The following DOCK1 variants were observed in gnomAD, a reference collection of about 807,000 sequenced individuals.
DOCK1 encodes dedicator of cytokinesis protein 1.
Under a neutral mutation model 262.7 loss-of-function variants are expected in DOCK1, and 138 were observed. The ratio of observed to expected loss-of-function variants is 0.53; its 90% CI spans 0.46 to 0.61. DOCK1 has a LOEUF of 0.61. Among genes scored for constraint, DOCK1 ranks in the 20% least tolerant of loss-of-function variants. DOCK1 has a pLI of 0.00. For synonymous variants in DOCK1, 866 were observed against 867.4 expected, an observed-to-expected ratio of 1.00 and a Z score of 0.03; for missense variants, 1,908 against 2,370.7, an observed-to-expected ratio of 0.80 and a Z score of 4.05.
At chr10:127,359,143 CAA>C (rs60352979) in intron 32 of DOCK1, among the ~76,000 whole-genome samples, 3 of 142,488 alleles carry the variant, frequency 2.1e-5, no homozygotes, top group African/African-American at 2.6e-5. Flanking sequence ...ATGCAAATGT[CAA>C]AAAAAAAAAA....
chr10:127,409,567 A>G (rs559891029), intron 42 of DOCK1, among the ~76,000 whole-genome samples, 176 bp downstream of exon 42: 6 of 152,156 alleles, frequency 3.9e-5, no homozygotes, highest in African/African-American at 1.2e-4. Context: ...ATCCAAAAAA[A>G]GTGACAGGAG....
chr10:126,948,875 C>T (rs1177339976), intron 1 of DOCK1, among the ~76,000 whole-genome samples: 1 of 152,068 alleles, frequency 6.6e-6, no homozygotes, highest in Non-Finnish European at 1.5e-5. Context: ...TGTGCTGGGC[C>T]TGGCCCAGGG....
At chr10:126,965,474 G>A (rs2037598355) in intron 1 of DOCK1, among the ~76,000 whole-genome samples, 1 of 152,146 alleles carries the variant, frequency 6.6e-6, no homozygotes, top group African/African-American at 2.4e-5. Flanking sequence ...GTGATGGAGA[G>A]AAGGGAAGAC....
intron 29 of DOCK1, among the ~76,000 whole-genome samples, chr10:127,320,025 GGGCTGTCGT>G (rs1324519329): frequency 6.6e-6 from 1 of 152,154 alleles, no homozygotes; most frequent in Non-Finnish European, 1.5e-5. Flanking sequence ...TCTGCCTCGT[GGGCTGTCGT>G]AGCAGAGCAG....
chr10:127,060,529 C>T (rs541839416), intron 22 of DOCK1, among the ~76,000 whole-genome samples: 51 of 152,214 alleles, frequency 3.4e-4, no homozygotes, highest in African/African-American at 1.1e-3. Flanking sequence ...TTTCAGGTAT[C>T]GTATATTTTT....
intron 27 of DOCK1, among the ~76,000 whole-genome samples, chr10:127,233,501 T>A (rs1466533619): frequency 6.6e-6 from 1 of 152,200 alleles, no homozygotes; most frequent in African/African-American, 2.4e-5. Context: ...ACATCTACAA[T>A]GTATACTTGC....
chr10:127,360,023 A>T (rs199895239), intron 32 of DOCK1, among the ~76,000 whole-genome samples: 4,649 of 152,286 alleles, frequency 0.031, 169 homozygotes, highest in East Asian at 0.1. Context: ...TGAAAACAAA[A>T]TCAAGATTTC....
At position 127,189,127 on chromosome 10, in the gene DOCK1, G is replaced by A. The variant is rs1338677973; in HGVS notation, c.2848-58881G>A. Reference sequence around the variant, plus strand: ...GGATGACACTGGATGCAGGACCTACGAGACACAAGCTTGAGAATCACCACC... The same window carrying A: ...GGATGACACTGGATGCAGGACCTACAAGACACAAGCTTGAGAATCACCACC... On this transcript the variant is annotated intron_variant, in intron 27 of 51. Transcript: ENST00000623213. 2.0e-5 allele frequency among the ~76,000 whole-genome samples: 3 copies of A among 152,334 alleles called. No individual in the cohort carries two copies. In the East Asian group the frequency reaches 5.8e-4, roughly 29 times the overall value.
intron 28 of DOCK1, among the ~76,000 whole-genome samples, chr10:127,250,967 C>T (rs946527298): frequency 1.3e-5 from 2 of 151,730 alleles, no homozygotes; most frequent in Non-Finnish European, 2.9e-5. Flanking sequence ...ACTCTGACAA[C>T]GATTTTTTTT....
intron 36 of DOCK1, 51 bp downstream of exon 36, chr10:127,380,173 G>C (rs1026486986): frequency 1.5e-6 from 2 of 1,325,034 alleles, no homozygotes; most frequent in Non-Finnish European, 2.1e-6. Context: ...AATAATATAT[G>C]TTGTATGTTT....
chr10:126,911,091 G>T (rs755782003), intron 1 of DOCK1, among the ~76,000 whole-genome samples: 12 of 152,222 alleles, frequency 7.9e-5, no homozygotes, highest in Non-Finnish European at 1.6e-4. Flanking sequence ...TCGTCTGGTA[G>T]TTGGATGTTT....
chr10:127,381,149 G>T, intron 36 of DOCK1, 129 bp from the exon 37 acceptor site: 1 of 704,290 alleles, frequency 1.4e-6, no homozygotes, highest in Non-Finnish European at 2.1e-6. Flanking sequence ...AAGGCATTTT[G>T]AATTATGAAC....
chr10:127,031,348 C>T (rs892995574), intron 16 of DOCK1, among the ~76,000 whole-genome samples: 1 of 152,168 alleles, frequency 6.6e-6, no homozygotes, highest in African/African-American at 2.4e-5. Flanking sequence ...CCATGCTGCT[C>T]TTCTTGGCCC....
At chr10:127,239,566 T>C (rs535477266) in intron 27 of DOCK1, among the ~76,000 whole-genome samples, 21 of 152,274 alleles carry the variant, frequency 1.4e-4, no homozygotes, top group African/African-American at 4.3e-4. Flanking sequence ...GTTTCAACTT[T>C]CATTTATAAC....
At chr10:127,102,406 C>T (rs2048304854) in intron 23 of DOCK1, among the ~76,000 whole-genome samples, 1 of 152,220 alleles carries the variant, frequency 6.6e-6, no homozygotes, top group African/African-American at 2.4e-5. Context: ...GATGAGGCAA[C>T]ATGAACTCAC....
intron 15 of DOCK1, chr10:127,026,124 T>C: frequency 2.0e-6 from 1 of 494,262 alleles, no homozygotes; most frequent in Non-Finnish European, 3.6e-6. Context: ...GAAAAAAAAA[T>C]TCAGCTGTGT....
intron 27 of DOCK1, among the ~76,000 whole-genome samples, chr10:127,159,475 A>C: frequency 6.6e-6 from 1 of 152,200 alleles, no homozygotes; most frequent in East Asian, 1.9e-4. Flanking sequence ...TATACTTACA[A>C]GTATATAACA....
At chr10:127,028,093 C>G (rs549383778) in intron 16 of DOCK1, among the ~76,000 whole-genome samples, 18 of 152,142 alleles carry the variant, frequency 1.2e-4, no homozygotes, top group African/African-American at 4.1e-4. Context: ...TGGCTGGCAG[C>G]TGCCGAAAGC....
chr10:126,945,040 T>C (rs2035288349), intron 1 of DOCK1, among the ~76,000 whole-genome samples: 1 of 152,040 alleles, frequency 6.6e-6, no homozygotes. Context: ...GGTTTCACTA[T>C]GTCAGTCAAG....
Sources: gnomAD v4.1 joint callset for allele counts (sites outside exome capture counted in the v4.1 genomes callset) on GRCh38, gnomAD v4.1.1 for gene constraint, MANE v1.5 for transcripts, NCBI Gene and HGNC (gene_info 2026-07-23, HGNC 2026-07-21) for gene names.